Variants in ST8SIA4 observed in about 807,000 individuals in gnomAD.
ST8SIA4 encodes the protein ST8 alpha-N-acetyl-neuraminide alpha-2,8-sialyltransferase 4.
Under a neutral mutation model 33.9 loss-of-function variants are expected in ST8SIA4, and 15 were observed. The ratio of observed to expected loss-of-function variants is 0.44; its 90% confidence interval spans 0.30 to 0.68. The LOEUF (loss-of-function observed/expected upper bound fraction) is 0.68. Among genes scored for constraint, ST8SIA4 ranks in the 30% least tolerant of loss-of-function variants. ST8SIA4 has a pLI of 0.10. For synonymous variants in ST8SIA4, 171 were observed against 151.2 expected (o/e 1.13, Z -0.96); for missense variants, 321 against 428.0 (o/e 0.75, Z 2.21).
chr5:100,869,491 C>G (rs1021917377), intron 3 of ST8SIA4, among the ~76,000 whole-genome samples: 8 of 152,110 alleles, frequency 5.3e-5, no homozygotes, highest in African/African-American at 1.9e-4. Flanking sequence ...ATCTGAATGT[C>G]ATCACTTTTT....
At chr5:100,827,419 T>C (rs1051357252) in intron 4 of ST8SIA4, among the ~76,000 whole-genome samples, 1 of 152,108 alleles carries the variant, frequency 6.6e-6, no homozygotes, top group African/African-American at 2.4e-5. Context: ...TGCTCAGCAA[T>C]CAGAGATGAG....
chr5:100,816,620 A>T (rs1318210175), intron 4 of ST8SIA4: 1 of 506,228 alleles, frequency 2.0e-6, no homozygotes, highest in African/African-American at 2.0e-5. Context: ...CAAATGTGAC[A>T]ATTTCTAGAA....
intron 2 of ST8SIA4, among the ~76,000 whole-genome samples, chr5:100,889,823 T>A (rs532387211): frequency 1.3e-5 from 2 of 151,952 alleles, no homozygotes; most frequent in Non-Finnish European, 2.9e-5. Context: ...CCAATGTTGT[T>A]ATAGGCTCAG....
intron 4 of ST8SIA4, among the ~76,000 whole-genome samples, chr5:100,830,326 A>C (rs1751231051): frequency 6.6e-6 from 1 of 152,246 alleles, no homozygotes; most frequent in Non-Finnish European, 1.5e-5. Context: ...GCTTTATTTC[A>C]TCGTCAATAA....
chr5:100,876,618 G>A (rs1293851574), intron 3 of ST8SIA4, among the ~76,000 whole-genome samples: 2 of 151,784 alleles, frequency 1.3e-5, no homozygotes, highest in Non-Finnish European at 2.9e-5. Flanking sequence ...AAGGAATCTC[G>A]TAAAAATACT....
At chr5:100,842,031 C>T (rs1229053967) in intron 4 of ST8SIA4, among the ~76,000 whole-genome samples, 12 of 151,702 alleles carry the variant, frequency 7.9e-5, no homozygotes, top group East Asian at 1.9e-4. Context: ...AAGGAATGAA[C>T]GTGATACAGC....
intron 3 of ST8SIA4, among the ~76,000 whole-genome samples, chr5:100,883,493 C>G (rs1752472715): frequency 1.3e-5 from 2 of 152,038 alleles, no homozygotes; most frequent in African/African-American, 4.8e-5. Context: ...TGAAATGAGT[C>G]AAGACTTTGG....
chr5:100,856,462 C>A, intron 3 of ST8SIA4, 66 bp from the exon 4 acceptor site: 1 of 1,443,808 alleles, frequency 6.9e-7, no homozygotes, highest in South Asian at 1.4e-5. Context: ...AAATGGTGTT[C>A]ATGAAAAGAA....
chr5:100,818,691 T>C (rs1750980436), intron 4 of ST8SIA4, among the ~76,000 whole-genome samples: 1 of 152,094 alleles, frequency 6.6e-6, no homozygotes, highest in Non-Finnish European at 1.5e-5. Flanking sequence ...AAAAAGAAAG[T>C]AGAAAATCTT....
At chr5:100,871,217 A>T (rs1274880008) in intron 3 of ST8SIA4, among the ~76,000 whole-genome samples, 1 of 152,032 alleles carries the variant, frequency 6.6e-6, no homozygotes, top group Non-Finnish European at 1.5e-5. Flanking sequence ...TTAGCATTCA[A>T]GGAGGTCAAG....
At chr5:100,812,987 A>C (rs1561381794) in intron 4 of ST8SIA4, among the ~76,000 whole-genome samples, 2 of 151,970 alleles carry the variant, frequency 1.3e-5, no homozygotes, top group African/African-American at 2.4e-5. Flanking sequence ...AAAGTTGTCC[A>C]ATGATAAACA....
intron 1 of ST8SIA4, among the ~76,000 whole-genome samples, chr5:100,898,482 C>T (rs1019321228): frequency 4.6e-5 from 7 of 152,136 alleles, no homozygotes; most frequent in African/African-American, 1.2e-4. Flanking sequence ...CATTTTACTC[C>T]GCTGTTTGAA....
At chr5:100,892,812 G>A (rs1339913120) in intron 2 of ST8SIA4, among the ~76,000 whole-genome samples, 1 of 151,944 alleles carries the variant, frequency 6.6e-6, no homozygotes, top group Non-Finnish European at 1.5e-5. Flanking sequence ...ACAGGGAGGG[G>A]ACCATCACAC....
At position 100,807,212 on chromosome 5, in the gene ST8SIA4, G is replaced by A. The variant is rs1398728691; in HGVS notation, c.*4635C>T. ...GAGATAAGAGAAACAGTGAAAAAAA[G>A]GGATTAATTTATTTTACAATTTTAC... On this transcript the variant is annotated 3_prime_UTR_variant, in exon 5 of 5. Coordinates refer to ENST00000231461, the MANE Select transcript of ST8SIA4 (RefSeq NM_005668.6). The A allele has an allele frequency of 6.6e-6, 1 of 152,196 alleles. No homozygotes were observed. Among genetic ancestry groups the A allele is most frequent in the African/African-American group, 2.4e-5 (1 of 41,398 alleles). The allele number at this position is 152,196 out of a possible 1,614,324, so 9.4% of individuals were successfully genotyped here.
intron 3 of ST8SIA4, among the ~76,000 whole-genome samples, chr5:100,864,297 G>A (rs759467363): frequency 5.9e-5 from 9 of 152,022 alleles, no homozygotes; most frequent in Non-Finnish European, 8.8e-5. Context: ...AAAGCGGGCC[G>A]GGTGCGGTGG....
At chr5:100,823,047 T>C (rs534341620) in intron 4 of ST8SIA4, among the ~76,000 whole-genome samples, 7 of 151,872 alleles carry the variant, frequency 4.6e-5, no homozygotes, top group East Asian at 1.9e-4. Flanking sequence ...GGGAGAATGG[T>C]GTGAACCCGG....
intron 2 of ST8SIA4, among the ~76,000 whole-genome samples, chr5:100,891,131 C>T (rs1369876194): frequency 6.6e-6 from 1 of 151,914 alleles, no homozygotes; most frequent in Non-Finnish European, 1.5e-5. Flanking sequence ...ACAGTTGCAA[C>T]TAAAATTTAA....
At chr5:100,895,622 G>A in intron 2 of ST8SIA4, 32 bp downstream of exon 2, 1 of 1,588,930 alleles carries the variant, frequency 6.3e-7, no homozygotes, top group South Asian at 1.2e-5. Context: ...AACATGATGT[G>A]AAATTTATTA....
At chr5:100,887,190 C>G (rs940125835) in intron 2 of ST8SIA4, among the ~76,000 whole-genome samples, 3 of 151,900 alleles carry the variant, frequency 2.0e-5, no homozygotes, top group Admixed American at 6.6e-5. Flanking sequence ...GATCAAGAGT[C>G]CTGGAAGTAA....
Sources: allele counts gnomAD v4.1 joint callset (sites outside exome capture counted in the v4.1 genomes callset), GRCh38; gene constraint gnomAD v4.1.1; transcripts MANE v1.5; gene names NCBI Gene and HGNC (gene_info 2026-07-23, HGNC 2026-07-21).